NBR1: variants seen among roughly 807,000 people sequenced by gnomAD.
NBR1 encodes NBR1 autophagy cargo receptor.
A neutral mutation model predicts 115.5 loss-of-function variants in NBR1; 59 were observed. That is an observed-to-expected ratio of 0.51 (90% CI 0.41 to 0.63). The LOEUF is 0.63. NBR1 is among the 30% of genes least tolerant of loss of function. The pLI is 0.00. For missense variants in NBR1, 1,043 were observed against 1,150.5 expected (o/e 0.91, Z 1.35); for synonymous variants, 373 against 414.7 (o/e 0.90, Z 1.22).
intron 5 of NBR1, among the ~76,000 whole-genome samples, chr17:43,181,946 T>C (rs2056677516): frequency 6.6e-6 from 1 of 150,716 alleles, no homozygotes; most frequent in Non-Finnish European, 1.5e-5. Context: ...ATCACGCCAT[T>C]GCACTCCAGC....
intron 10 of NBR1, among the ~76,000 whole-genome samples, chr17:43,191,822 G>A (rs1027572168): frequency 1.3e-5 from 2 of 151,924 alleles, no homozygotes; most frequent in African/African-American, 4.8e-5. Context: ...TCGGGTTCAC[G>A]CCATTCTCCT....
chr17:43,198,509 T>C (rs761760900), intron 16 of NBR1, among the ~76,000 whole-genome samples: 1 of 151,724 alleles, frequency 6.6e-6, no homozygotes. Context: ...AAAAATTAGC[T>C]GGGCGTGGTA....
intron 8 of NBR1, 176 bp downstream of exon 8, chr17:43,189,978 A>G (rs8070089): frequency 2.1e-5 from 13 of 619,894 alleles, no homozygotes; most frequent in African/African-American, 1.7e-4. Flanking sequence ...TGTTGTAACT[A>G]TTCAGATTGT....
rs556191315 is a variant in NBR1, at chr17:43,182,096, C to G, written c.207+1279C>G. 7.3e-4 allele frequency among the ~76,000 whole-genome samples: 110 copies of G among 151,596 alleles called. 3 individuals are homozygous for G. The highest frequency in any genetic ancestry group is 2.5e-3 in the African/African-American group (104 of 41,094). ...CCTTGAACTGCTGGGCTCAAGTGAT[C>G]CTGCTGCCTCAGCCTCCCGAGTAGC... On this transcript the variant is annotated intron_variant, in intron 5 of 20. Coordinates refer to ENST00000590996, the MANE Select transcript of NBR1 (RefSeq NM_005899.5).
At chr17:43,197,184 C>G in intron 16 of NBR1, 78 bp downstream of exon 16, 2 of 1,294,346 alleles carry the variant, frequency 1.5e-6, no homozygotes, top group Non-Finnish European at 2.2e-6. Context: ...GTTAGATGTG[C>G]TCTTCTTCAC....
At position 43,196,897 on chromosome 17, in the gene NBR1, A is replaced by G. The variant is rs370771088; in HGVS notation, c.1862-45A>G. 2.1e-5 allele frequency: 33 copies of G among 1,599,788 alleles called. No homozygotes were observed. The African/African-American group carries it at 4.4e-4, about 21-fold the overall frequency. ...GGGTAATGACTGGTGAATGTTCCTC[A>G]GCACTTTAAACACCCAGTGCAGATA... On this transcript the variant is annotated intron_variant, in intron 15 of 20. Coordinates refer to ENST00000590996, the MANE Select transcript of NBR1 (RefSeq NM_005899.5).
rs781084841 is a variant in NBR1, at chr17:43,200,261, T to TGAGGAGGATGAGGAG, written c.2134_2148dup (p.Glu712_Glu716dup). On this transcript the variant is annotated inframe_insertion, in exon 17 of 21. Transcript: ENST00000590996. ...AAGCTGTCATGGAGGAGGAGGAGGA[T>TGAGGAGGATGAGGAG]GAGGAGGATGAGGAGGAGGAGGATG... 8.4e-6 allele frequency: 13 copies of TGAGGAGGATGAGGAG among 1,548,902 alleles called. No individual in the cohort carries two copies. The highest frequency in any genetic ancestry group is 1.0e-5 in the Non-Finnish European group (12 of 1,145,054).
chr17:43,198,100 G>A (rs556778997), intron 16 of NBR1, among the ~76,000 whole-genome samples: 11 of 151,456 alleles, frequency 7.3e-5, no homozygotes, highest in Admixed American at 2.0e-4. Flanking sequence ...CCCGGGAGGC[G>A]AAGGCTGTGG....
intron 12 of NBR1, among the ~76,000 whole-genome samples, chr17:43,194,135 T>C (rs150516079): frequency 2.9e-4 from 44 of 152,330 alleles, no homozygotes; most frequent in African/African-American, 1.1e-3. Context: ...TTGACTATTA[T>C]AGTTAATATA....
intron 9 of NBR1, among the ~76,000 whole-genome samples, 186 bp downstream of exon 9, chr17:43,190,962 C>A (rs758037213): frequency 1.6e-4 from 25 of 152,152 alleles, no homozygotes; most frequent in Non-Finnish European, 2.9e-4. Flanking sequence ...AATTAAGAAA[C>A]TAAAGTAGGC....
chr17:43,197,752 A>G (rs1388591165), intron 16 of NBR1, among the ~76,000 whole-genome samples: 1 of 152,212 alleles, frequency 6.6e-6, no homozygotes, highest in African/African-American at 2.4e-5. Context: ...AGAGACCCCT[A>G]TGGGTAGCTG....
At chr17:43,182,658 G>A (rs2154582035) in intron 5 of NBR1, among the ~76,000 whole-genome samples, 1 of 151,808 alleles carries the variant, frequency 6.6e-6, no homozygotes, top group South Asian at 2.1e-4. Context: ...ATATAAAAAT[G>A]TGTATAAAAT....
rs1346640701 is a variant in NBR1 at position 43,186,238 on chromosome 17, G to T, written c.208-12G>T. 1 of 1,554,336 alleles carries T rather than the reference G, an allele frequency of 6.4e-7. No individual in the cohort carries two copies. Among genetic ancestry groups the T allele is most frequent in the Non-Finnish European group, 8.7e-7 (1 of 1,150,800 alleles). On this transcript the variant is annotated splice_polypyrimidine_tract_variant and intron_variant, in intron 5 of 20. Transcript: ENST00000590996. ...ACGTCGCATGTTTTTGTTTCATAAT[G>T]TATGCTCTTAGATGGCAGTTAAACA... is the stretch of plus-strand genomic sequence containing the variant.
intron 16 of NBR1, among the ~76,000 whole-genome samples, chr17:43,199,421 T>A (rs1285815597): frequency 6.6e-6 from 1 of 150,804 alleles, no homozygotes; most frequent in Non-Finnish European, 1.5e-5. Flanking sequence ...TCACCCAGGC[T>A]GGAGTGCAGC....
intron 20 of NBR1, among the ~76,000 whole-genome samples, chr17:43,205,751 G>A (rs1217285810): frequency 2.0e-5 from 3 of 151,856 alleles, no homozygotes; most frequent in Admixed American, 6.6e-5. Flanking sequence ...GGTGGTATAC[G>A]CCTGTGGTCC....
chr17:43,209,085 T>G (rs1474218694), intron 20 of NBR1, among the ~76,000 whole-genome samples: 1 of 152,006 alleles, frequency 6.6e-6, no homozygotes, highest in African/African-American at 2.4e-5. Context: ...ATTCTTGTTT[T>G]TTTTTTTTTG....
chr17:43,198,277 G>A (rs762962748), intron 16 of NBR1, among the ~76,000 whole-genome samples: 1 of 152,004 alleles, frequency 6.6e-6, no homozygotes, highest in Non-Finnish European at 1.5e-5. Context: ...AATATACTAT[G>A]TCAAAATAAT....
upstream of NBR1, chr17:43,170,858 C>G (rs1407343885): frequency 6.6e-6 from 1 of 152,142 alleles, no homozygotes; most frequent in Non-Finnish European, 1.5e-5. Flanking sequence ...AGAGCAGAGA[C>G]TAGGCCAAAA....
At chr17:43,178,457 A>G (rs557672437) in intron 3 of NBR1, among the ~76,000 whole-genome samples, 1 of 150,832 alleles carries the variant, frequency 6.6e-6, no homozygotes. Flanking sequence ...GCTCACTGCA[A>G]CCTCCAGCTC....
Sources: allele counts gnomAD v4.1 joint callset (sites outside exome capture counted in the v4.1 genomes callset), GRCh38; gene constraint gnomAD v4.1.1; transcripts MANE v1.5; gene names NCBI Gene and HGNC (gene_info 2026-07-23, HGNC 2026-07-21).